RIN2: variants seen among roughly 807,000 people sequenced by gnomAD.
RIN2 encodes the protein Ras and Rab interactor 2.
RIN2 carries 36 observed loss-of-function variants against 78.0 expected under a neutral mutation model. The ratio of observed to expected loss-of-function variants is 0.46; its 90% CI spans 0.35 to 0.61. The LOEUF (loss-of-function observed/expected upper bound fraction) is 0.61, where lower values mean the gene tolerates loss of function less well. RIN2 is among the 20% of genes least tolerant of loss of function. The pLI is 0.00. For missense variants in RIN2, 1,087 were observed against 1,159.7 expected, an observed-to-expected ratio of 0.94 and a Z score of 0.91; for synonymous variants, 466 against 466.8, an observed-to-expected ratio of 1.00 and a Z score of 0.02.
intron 11 of RIN2, among the ~76,000 whole-genome samples, chr20:19,995,398 GTC>G (rs2042928668): frequency 6.6e-6 from 1 of 152,010 alleles, no homozygotes; most frequent in Non-Finnish European, 1.5e-5. Context: ...GACAAAGAAT[GTC>G]TCTAAATCTA....
At chr20:19,812,204 T>C (rs1394963693) in intron 2 of RIN2, among the ~76,000 whole-genome samples, 2 of 152,204 alleles carry the variant, frequency 1.3e-5, no homozygotes, top group African/African-American at 4.8e-5. Context: ...TGTAGACACA[T>C]ATTTTCACTT....
chr20:19,932,039 G>A (rs1226408406), intron 3 of RIN2, among the ~76,000 whole-genome samples: 1 of 152,136 alleles, frequency 6.6e-6, no homozygotes, highest in East Asian at 1.9e-4. Flanking sequence ...CAGTGTAAGA[G>A]GTGCCATGGT....
chr20:19,834,039 A>G (rs918387532), intron 2 of RIN2, among the ~76,000 whole-genome samples: 3 of 152,092 alleles, frequency 2.0e-5, no homozygotes, highest in Admixed American at 6.5e-5. Flanking sequence ...CCCACAACTA[A>G]GCATCACATG....
chr20:19,804,557 C>T (rs1600494753), intron 2 of RIN2, among the ~76,000 whole-genome samples: 1 of 152,138 alleles, frequency 6.6e-6, no homozygotes, highest in South Asian at 2.1e-4. Flanking sequence ...CTGACTTGAT[C>T]GTGGTGAATA....
chr20:19,770,692 C>T (rs987740943), intron 1 of RIN2, among the ~76,000 whole-genome samples: 1 of 152,174 alleles, frequency 6.6e-6, no homozygotes, highest in Non-Finnish European at 1.5e-5. Context: ...TCACGTATAA[C>T]CTGTACGTGA....
At chr20:19,778,934 C>T (rs1384162431) in intron 1 of RIN2, among the ~76,000 whole-genome samples, 2 of 152,114 alleles carry the variant, frequency 1.3e-5, no homozygotes, top group Non-Finnish European at 2.9e-5. Context: ...AAACCAGCGT[C>T]GGAGCATCTG....
At chr20:19,781,365 A>G (rs1003137708) in intron 1 of RIN2, among the ~76,000 whole-genome samples, 1 of 152,196 alleles carries the variant, frequency 6.6e-6, no homozygotes, top group Non-Finnish European at 1.5e-5. Context: ...TGACTTTGCA[A>G]TAGGTGACTT....
At chr20:19,945,416 T>C (rs1412969779) in intron 4 of RIN2, among the ~76,000 whole-genome samples, 3 of 152,224 alleles carry the variant, frequency 2.0e-5, no homozygotes, top group Admixed American at 6.5e-5. Flanking sequence ...GGGTTCCCAC[T>C]GGGGTTTCTT....
rs10653532 is a variant in RIN2 at position 19,966,906 on chromosome 20, G to GACACACACAC, written c.536+1896_536+1905dup. Among the ~76,000 whole-genome samples, 1,440 of 150,308 alleles carry GACACACACAC rather than the reference G, an allele frequency of 9.6e-3. 24 individuals carry two copies. Among genetic ancestry groups the GACACACACAC allele is most frequent in the African/African-American group, 0.033 (1,368 of 40,908 alleles). On this transcript the variant is annotated intron_variant, in intron 7 of 12. Coordinates refer to ENST00000255006, the MANE Select transcript of RIN2 (RefSeq NM_018993.4). Reference sequence around the variant, plus strand: ...TGGTGCAGAAGCACAGCCCCCAACAGACACACACACACACACACACACATA... The same window carrying GACACACACAC: ...TGGTGCAGAAGCACAGCCCCCAACAGACACACACACACACACACACACACACACACACATA...
chr20:19,903,200 G>A (rs2123655296), intron 3 of RIN2, among the ~76,000 whole-genome samples: 1 of 152,304 alleles, frequency 6.6e-6, no homozygotes, highest in Admixed American at 6.5e-5. Context: ...GGAAGTGAGG[G>A]TAATTTGTTG....
intron 2 of RIN2, among the ~76,000 whole-genome samples, chr20:19,855,491 G>A (rs1236808709): frequency 1.3e-5 from 2 of 152,120 alleles, no homozygotes; most frequent in African/African-American, 4.8e-5. Context: ...GTAGAATTCA[G>A]TTGTGAATCC....
intron 1 of RIN2, among the ~76,000 whole-genome samples, chr20:19,771,767 C>CGTTTT (rs2034132105): frequency 6.6e-6 from 1 of 152,184 alleles, no homozygotes; most frequent in Non-Finnish European, 1.5e-5. Context: ...AACGCTCTGA[C>CGTTTT]AGCAGCTTTT....
At chr20:19,940,446 G>A (rs755763295) in intron 4 of RIN2, among the ~76,000 whole-genome samples, 2 of 152,184 alleles carry the variant, frequency 1.3e-5, no homozygotes, top group African/African-American at 2.4e-5. Flanking sequence ...TAGGGCAGAG[G>A]CCCTTCCCCC....
At chr20:19,791,099 G>T (rs560582436) in intron 1 of RIN2, among the ~76,000 whole-genome samples, 1 of 152,208 alleles carries the variant, frequency 6.6e-6, no homozygotes, top group African/African-American at 2.4e-5. Context: ...AGGACTTCAT[G>T]TGTGTTCCTG....
chr20:19,874,061 GGT>G (rs60818960), intron 2 of RIN2, among the ~76,000 whole-genome samples: 95,517 of 149,904 alleles, frequency 0.64, 30,580 homozygotes, highest in Non-Finnish European at 0.69. Flanking sequence ...TTCACATTTT[GGT>G]GTGTGTGTGT....
chr20:19,800,110 G>A (rs544948956), intron 2 of RIN2, among the ~76,000 whole-genome samples: 48 of 152,302 alleles, frequency 3.2e-4, no homozygotes, highest in Non-Finnish European at 5.7e-4. Flanking sequence ...CTGTTGCCCC[G>A]TCTGAGGGAT....
intron 3 of RIN2, among the ~76,000 whole-genome samples, chr20:19,893,398 G>T (rs562646854): frequency 6.6e-6 from 1 of 152,158 alleles, no homozygotes; most frequent in African/African-American, 2.4e-5. Context: ...TAGTGCTCAC[G>T]TGACTTTGTG....
At chr20:19,781,248 T>A (rs985731529) in intron 1 of RIN2, among the ~76,000 whole-genome samples, 1 of 152,184 alleles carries the variant, frequency 6.6e-6, no homozygotes, top group African/African-American at 2.4e-5. Context: ...TGCAAGAACA[T>A]CTGGGACATA....
chr20:19,895,307 A>C (rs1240255328), intron 3 of RIN2, among the ~76,000 whole-genome samples: 3 of 152,206 alleles, frequency 2.0e-5, no homozygotes, highest in Non-Finnish European at 4.4e-5. Context: ...TGATCCTGAG[A>C]GGGATCCTCT....
Sources: allele counts gnomAD v4.1 joint callset (sites outside exome capture counted in the v4.1 genomes callset), GRCh38; gene constraint gnomAD v4.1.1; transcripts MANE v1.5; gene names NCBI Gene and HGNC (gene_info 2026-07-23, HGNC 2026-07-21).